PKM: variants seen among roughly 807,000 people sequenced by gnomAD.
The protein encoded by PKM is pyruvate kinase PKM.
In PKM, 18 loss-of-function variants were observed where a neutral mutation model predicts 49.8. The ratio of observed to expected loss-of-function variants is 0.36; its 90% CI spans 0.25 to 0.54. The LOEUF (loss-of-function observed/expected upper bound fraction) is 0.54, where lower values mean the gene tolerates loss of function less well. Among genes scored for constraint, PKM ranks in the 20% least tolerant of loss-of-function variants. The probability of loss-of-function intolerance (pLI) is 0.89; values close to 1 mark genes in which losing one functional copy is unlikely to be tolerated. For missense variants in PKM, 508 were observed against 713.8 expected (o/e 0.71, Z 3.28); for synonymous variants, 239 against 261.8 (o/e 0.91, Z 0.84).
Position 72,217,419 on chromosome 15 carries a change from C to T in PKM, c.236G>A (p.Gly79Glu), listed in dbSNP as rs2082402689. 5.0e-6 allele frequency: 8 copies of T among 1,594,824 alleles called. No homozygotes were observed. The highest frequency in any genetic ancestry group is 6.9e-6 in the Non-Finnish European group (8 of 1,162,448). Residue 79 changes from glycine (G) to glutamate (E), a missense_variant, in exon 3 of 11, where the codon GGA becomes GAA. Gly to Glu is a moderately conservative substitution (Grantham distance 98, BLOSUM62 -2). Coordinates refer to ENST00000335181, the MANE Select transcript of PKM (RefSeq NM_002654.6). The part of the protein sequence containing the change: ...MNVARLNFSH[G>E]THEYHAETIK... ...CCAGCCACAGCTCACCTCATGAGTT[C>T]CATGAGAGAAGTTCAGACGAGCCAC...
intron 9 of PKM, chr15:72,201,074 T>C (rs1403734238): frequency 5.5e-6 from 1 of 180,500 alleles, no homozygotes; most frequent in Non-Finnish European, 1.2e-5. Context: ...CACCTGACTC[T>C]TGACATCTGC....
intron 2 of PKM, among the ~76,000 whole-genome samples, chr15:72,218,586 A>AT (rs11356526): frequency 0.038 from 5,109 of 135,508 alleles, 158 homozygotes; most frequent in African/African-American, 0.087. Context: ...TGCCCAGCTA[A>AT]TTTTTTTTTT....
intron 1 of PKM, among the ~76,000 whole-genome samples, chr15:72,222,060 G>A (rs1037603404): frequency 5.3e-5 from 8 of 152,108 alleles, no homozygotes; most frequent in African/African-American, 1.2e-4. Context: ...CAGAAGGGCT[G>A]CCTCCAAGTC....
intron 7 of PKM, 121 bp downstream of exon 7, chr15:72,207,006 A>C: frequency 6.8e-7 from 1 of 1,474,824 alleles, no homozygotes; most frequent in Non-Finnish European, 9.5e-7. Context: ...ACATGGGGGA[A>C]GGGGATTATC....
At chr15:72,224,879 A>C (rs1422309005) in intron 1 of PKM, among the ~76,000 whole-genome samples, 6 of 150,498 alleles carry the variant, frequency 4.0e-5, no homozygotes, top group African/African-American at 2.4e-5. Context: ...AAAAAAAAAA[A>C]CACAAATAAA....
intron 1 of PKM, chr15:72,229,416 C>T (rs1479098701): frequency 1.1e-5 from 5 of 437,316 alleles, no homozygotes; most frequent in Admixed American, 7.4e-5. Flanking sequence ...ATTCTAAACG[C>T]CTTTTTGACA....
At chr15:72,230,860 G>C in intron 1 of PKM, 1 of 1,143,826 alleles carries the variant, frequency 8.7e-7, no homozygotes. Context: ...ACCAGAATGA[G>C]GGGGTAGGGC....
rs1567125642 is a variant in PKM at position 72,218,952 on chromosome 15, C to G, written c.146G>C (p.Cys49Ser). Residue 49 changes from cysteine to serine, a missense_variant, in exon 2 of 11, where the codon TGT (cysteine) becomes TCT (serine). Cys to Ser is a moderately radical substitution (Grantham distance 112, BLOSUM62 -1). Transcript: ENST00000335181. ...GGGGCACACCCACTCACCAATGGTA[C>G]AGATGATGCCAGTGTTCCGGGCTGT... is the stretch of plus-strand genomic sequence containing the variant. ...PITARNTGII[C>S]TIGPASRSVE... The G allele has an allele frequency of 6.2e-7, 1 of 1,614,154 alleles. No homozygotes were observed. Among genetic ancestry groups the G allele is most frequent in the East Asian group, 2.2e-5 (1 of 44,888 alleles).
intron 3 of PKM, among the ~76,000 whole-genome samples, chr15:72,216,747 T>C (rs1326865311): frequency 1.3e-5 from 2 of 152,234 alleles, no homozygotes; most frequent in African/African-American, 4.8e-5. Flanking sequence ...ACCTGGCTCC[T>C]GGGCAAGGCC....
At position 72,211,687 on chromosome 15, in the gene PKM, C is replaced by T. The variant is rs151246217; in HGVS notation, c.247-1209G>A. Among the ~76,000 whole-genome samples, 340 of 151,764 alleles carry T rather than the reference C, an allele frequency of 2.2e-3. 1 individual carries two copies. Among genetic ancestry groups the T allele is most frequent in the Non-Finnish European group, 3.7e-3 (251 of 67,964 alleles). ...CAAAAATTAACTGTGCATGATGGTG[C>T]GTGCCTGGGGTCCCAGCTACTTGTG... On this transcript the variant is annotated intron_variant, in intron 3 of 10. Coordinates refer to ENST00000335181, the MANE Select transcript of PKM (RefSeq NM_002654.6).
Position 72,200,486 on chromosome 15 carries a change from C to T in PKM, c.1477G>A (p.Ala493Thr), listed in dbSNP as rs760488232. ...TCCAGCCACGTACCAACATTCATGG[C>T]AAAGTTCACCCGGAGGTCCACGTCC... is the stretch of plus-strand genomic sequence containing the variant. ...AEDVDLRVNFAMNVGKARGFF... is the reference protein window; with the variant it reads ...AEDVDLRVNFTMNVGKARGFF... Residue 493 changes from alanine to threonine, a missense_variant, in exon 10 of 11, where the codon GCC becomes ACC. By Grantham distance (58) the Ala-to-Thr change is moderately conservative. Coordinates refer to ENST00000335181, the MANE Select transcript of PKM (RefSeq NM_002654.6). The surrounding 1 kb of genome is among the most constrained non-coding windows in gnomAD (Gnocchi z 4.6). 10 of 1,613,378 alleles carry T rather than the reference C, an allele frequency of 6.2e-6. No individual in the cohort carries two copies. The highest frequency in any genetic ancestry group is 8.5e-6 in the Non-Finnish European group (10 of 1,179,848).
At chr15:72,219,496 A>G (rs1022934035) in intron 1 of PKM, 2 of 170,686 alleles carry the variant, frequency 1.2e-5, no homozygotes, top group Non-Finnish European at 2.6e-5. Flanking sequence ...GTTGTAACCA[A>G]TCTTCCAGTG....
At chr15:72,226,365 A>G (rs1484331910) in intron 1 of PKM, among the ~76,000 whole-genome samples, 2 of 149,606 alleles carry the variant, frequency 1.3e-5, no homozygotes, top group Non-Finnish European at 2.9e-5. Context: ...GTCTCTACTA[A>G]AAAATACAAA....
At position 72,200,420 on chromosome 15, in the gene PKM, T is replaced by C. The variant is rs944302126; in HGVS notation, c.1489+54A>G. 6.4e-7 allele frequency: 1 copy of C among 1,568,642 alleles called. No individual in the cohort carries two copies. The highest frequency in any genetic ancestry group is 8.8e-7 in the Non-Finnish European group (1 of 1,141,444). ...ACTTTCGGGGTCCCACAGAAGCCAA[T>C]GCTCAAGCATCCCCAAGCTCCTCTA... On this transcript the variant is annotated intron_variant, in intron 10 of 10. Transcript: ENST00000335181. The surrounding 1 kb of genome is among the most constrained non-coding windows in gnomAD (Gnocchi z 4.6).
At chr15:72,221,268 C>T (rs545066823) in intron 1 of PKM, 52 of 1,533,656 alleles carry the variant, frequency 3.4e-5, no homozygotes, top group African/African-American at 2.9e-4. Flanking sequence ...GAGCTGAATA[C>T]GGTGTGCCCT....
At position 72,202,730 on chromosome 15, in the gene PKM, A is replaced by C. The variant is rs573521752; in HGVS notation, c.1141-110T>G. The C allele has an allele frequency of 8.4e-5, 84 of 994,702 alleles. 2 individuals are homozygous for C. The Middle Eastern group carries it at 1.1e-3, about 13-fold the overall frequency. 61.6% of individuals were successfully genotyped at this position (994,702 alleles called of 1,614,324 possible). A position where few individuals can be genotyped will look rare whatever the true frequency, so the allele number is the denominator to read the frequency against. On this transcript the variant is annotated intron_variant, in intron 8 of 10. Transcript: ENST00000335181. The surrounding 1 kb of genome is among the most constrained non-coding windows in gnomAD (Gnocchi z 4.5). ...AGTCACCGGACAGCTGGTGAGGAACATGTTCCTGGGAACAAAGGCCAAGAG... is the reference window on the plus strand; with the variant it reads ...AGTCACCGGACAGCTGGTGAGGAACCTGTTCCTGGGAACAAAGGCCAAGAG...
intron 3 of PKM, among the ~76,000 whole-genome samples, chr15:72,216,051 G>A (rs1327308703): frequency 6.6e-6 from 1 of 152,116 alleles, no homozygotes; most frequent in Non-Finnish European, 1.5e-5. Context: ...CACAGGTTAG[G>A]GAATCTATGA....
In PKM at chr15:72,200,400, C is replaced by T. The variant is rs1384052965; in HGVS notation, c.1489+74G>A. 63 of 1,431,184 alleles carry T rather than the reference C, an allele frequency of 4.4e-5. No homozygotes were observed. Among genetic ancestry groups the T allele is most frequent in the Middle Eastern group, 2.4e-4 (1 of 4,180 alleles). The allele number at this position is 1,431,184 out of a possible 1,614,324, so 88.7% of individuals were successfully genotyped here. ...TTCCCCTTTCTATTCCCCAAACTTT[C>T]GGGGTCCCACAGAAGCCAATGCTCA... On this transcript the variant is annotated intron_variant, in intron 10 of 10. Coordinates refer to ENST00000335181, the MANE Select transcript of PKM (RefSeq NM_002654.6). This position sits in a 1 kb window ranked among gnomAD's most constrained non-coding sequence, Gnocchi z 4.6.
chr15:72,228,926 GA>G, intron 1 of PKM, among the ~76,000 whole-genome samples: 1 of 152,258 alleles, frequency 6.6e-6, no homozygotes, highest in Admixed American at 6.5e-5. Context: ...ACTTACAGCG[GA>G]ACACCAAAGG....
Sources: allele counts gnomAD v4.1 joint callset (sites outside exome capture counted in the v4.1 genomes callset), GRCh38; gene constraint gnomAD v4.1.1; non-coding constraint Gnocchi (gnomAD v3.1); transcripts MANE v1.5; gene names NCBI Gene and HGNC (gene_info 2026-07-23, HGNC 2026-07-21).